The following CNTLN variants were observed in gnomAD, a reference collection of about 807,000 sequenced individuals.
CNTLN encodes centlein, also known as centlein, centrosomal protein.
In CNTLN, 212 loss-of-function variants were observed where a neutral mutation model predicts 180.0. That is an observed-to-expected ratio of 1.18 (90% confidence interval 1.05 to 1.32). The LOEUF is 1.32. CNTLN is among the 40% of genes most tolerant of loss of function. CNTLN has a pLI of 0.00. For synonymous variants in CNTLN, 722 were observed against 563.1 expected (o/e 1.28, Z -3.99); for missense variants, 2,095 against 1,610.9 (o/e 1.30, Z -5.14).
At chr9:17,332,581 C>T (rs1325396323) in intron 9 of CNTLN, 24 bp from the exon 10 acceptor site, 20 of 1,591,378 alleles carry the variant, frequency 1.3e-5, no homozygotes, top group Non-Finnish European at 1.7e-5. Flanking sequence ...ACTAGTTCAA[C>T]CATGTCCTTG....
At chr9:17,140,055 A>T (rs75372602) in intron 1 of CNTLN, among the ~76,000 whole-genome samples, 1 of 152,206 alleles carries the variant, frequency 6.6e-6, no homozygotes, top group East Asian at 1.9e-4. Context: ...AAGGGAAAAT[A>T]TAAAGAGAAT....
intron 23 of CNTLN, among the ~76,000 whole-genome samples, chr9:17,479,389 C>G (rs1306612990): frequency 1.3e-5 from 2 of 152,232 alleles, no homozygotes; most frequent in Non-Finnish European, 2.9e-5. Flanking sequence ...TATGCAACAA[C>G]ATGGATAAAC....
chr9:17,193,625 C>T (rs1821931993), intron 2 of CNTLN, among the ~76,000 whole-genome samples: 1 of 152,176 alleles, frequency 6.6e-6, no homozygotes, highest in African/African-American at 2.4e-5. Flanking sequence ...CAGCCTCCCT[C>T]CCAGCTGCCT....
chr9:17,436,541 A>G (rs1022008701), intron 18 of CNTLN, among the ~76,000 whole-genome samples: 2 of 152,234 alleles, frequency 1.3e-5, no homozygotes, highest in East Asian at 1.9e-4. Context: ...TCTAGCATAT[A>G]AACATTGAGC....
At chr9:17,209,773 A>G (rs2131951762) in intron 2 of CNTLN, among the ~76,000 whole-genome samples, 1 of 152,314 alleles carries the variant, frequency 6.6e-6, no homozygotes, top group Non-Finnish European at 1.5e-5. Flanking sequence ...TAATTCACCC[A>G]TGACTTCTAT....
chr9:17,329,887 C>G (rs1295791462), intron 8 of CNTLN, among the ~76,000 whole-genome samples: 1 of 151,314 alleles, frequency 6.6e-6, no homozygotes, highest in African/African-American at 2.4e-5. Context: ...AAACTGTTTT[C>G]ATGTGATTCT....
At chr9:17,202,931 C>T (rs777994349) in intron 2 of CNTLN, among the ~76,000 whole-genome samples, 39 of 152,092 alleles carry the variant, frequency 2.6e-4, no homozygotes, top group Middle Eastern at 3.4e-3. Context: ...TTCATAGTGT[C>T]GTTGGTCTTT....
chr9:17,211,912 T>C (rs1823345232), intron 2 of CNTLN, among the ~76,000 whole-genome samples: 1 of 152,232 alleles, frequency 6.6e-6, no homozygotes, highest in South Asian at 2.1e-4. Flanking sequence ...TTTTGTATCC[T>C]GAGACTTTGC....
intron 1 of CNTLN, among the ~76,000 whole-genome samples, chr9:17,141,305 G>A (rs188661856): frequency 2.5e-4 from 38 of 152,302 alleles, no homozygotes; most frequent in Non-Finnish European, 3.1e-4. Flanking sequence ...ATTGTAACTG[G>A]AAAAGGGGTT....
intron 23 of CNTLN, among the ~76,000 whole-genome samples, chr9:17,479,867 GA>G (rs764723235): frequency 1.3e-5 from 2 of 151,918 alleles, no homozygotes; most frequent in Non-Finnish European, 2.9e-5. Context: ...GACTATGATA[GA>G]AAAAAAGATG....
intron 8 of CNTLN, among the ~76,000 whole-genome samples, chr9:17,309,756 G>A (rs1207994468): frequency 1.3e-5 from 2 of 152,008 alleles, no homozygotes; most frequent in African/African-American, 2.4e-5. Context: ...AGATAAATAT[G>A]TAGGATCTGG....
At chr9:17,311,895 C>A (rs1303675342) in intron 8 of CNTLN, among the ~76,000 whole-genome samples, 1 of 152,032 alleles carries the variant, frequency 6.6e-6, no homozygotes, top group African/African-American at 2.4e-5. Flanking sequence ...AATCAAGTTT[C>A]ATAAAGAAGA....
In CNTLN at chr9:17,281,137, T is replaced by C. The variant is rs73418480; in HGVS notation, c.983+7271T>C. On this transcript the variant is annotated intron_variant, in intron 6 of 25. Transcript: ENST00000380647. ...GCATAATGGCTTATTTTTTGTACTT[T>C]TTCTTCACTTTTCTTCTAAGTTCTT... Among the ~76,000 whole-genome samples the C allele has an allele frequency of 8.9e-3, 1,357 of 152,278 alleles. 22 individuals are homozygous for C. The highest frequency in any genetic ancestry group is 0.031 in the African/African-American group (1,275 of 41,550).
chr9:17,464,408 CAGT>C (rs2134199547), intron 20 of CNTLN, 86 bp from the exon 21 acceptor site: 1 of 1,098,542 alleles, frequency 9.1e-7, no homozygotes, highest in African/African-American at 1.7e-5. Context: ...TAAAAAGTAA[CAGT>C]AGGTATAATA....
chr9:17,409,557 A>G (rs2133843763), intron 16 of CNTLN, 84 bp downstream of exon 16: 1 of 1,025,036 alleles, frequency 9.8e-7, no homozygotes, highest in Non-Finnish European at 1.4e-6. Flanking sequence ...AAATGTTACT[A>G]CTGATTTAAT....
Position 17,457,563 on chromosome 9 carries a change from G to T in CNTLN, c.3154G>T (p.Glu1052Ter). Residue 1052 changes from glutamate (E) to a stop codon, truncating the protein, a stop_gained, in exon 19 of 26, where the codon GAA (glutamate) becomes TAA (stop). Transcript: ENST00000380647. LOFTEE classifies it high-confidence loss of function. ...LDLAGLRKEK[E>*]DLLKKLESSS... Reference sequence around the variant, plus strand: ...TTTGGCTGGGCTTCGGAAAGAAAAAGAAGATTTACTAAAGAAATTGGAGTC... The same window carrying T: ...TTTGGCTGGGCTTCGGAAAGAAAAATAAGATTTACTAAAGAAATTGGAGTC... The T allele has an allele frequency of 2.0e-5, 31 of 1,522,980 alleles. No homozygotes were observed. Among genetic ancestry groups the T allele is most frequent in the Non-Finnish European group, 2.7e-5 (31 of 1,133,262 alleles). The allele number at this position is 1,522,980 out of a possible 1,614,324, so 94.3% of individuals were successfully genotyped here. A position where few individuals can be genotyped will look rare whatever the true frequency, so the allele number is the denominator to read the frequency against.
chr9:17,450,688 C>A (rs1830731218), intron 18 of CNTLN, among the ~76,000 whole-genome samples: 1 of 152,086 alleles, frequency 6.6e-6, no homozygotes, highest in African/African-American at 2.4e-5. Context: ...CCTTCATTTG[C>A]TTGACATTTT....
intron 18 of CNTLN, among the ~76,000 whole-genome samples, chr9:17,453,462 G>A (rs1054189635): frequency 1.3e-5 from 2 of 152,174 alleles, no homozygotes; most frequent in African/African-American, 2.4e-5. Context: ...ATGGGACAGA[G>A]TGGTAGTAAG....
intron 12 of CNTLN, among the ~76,000 whole-genome samples, chr9:17,365,770 T>C (rs1447058446): frequency 1.3e-5 from 2 of 152,080 alleles, no homozygotes; most frequent in African/African-American, 4.8e-5. Flanking sequence ...CCTATGCAAC[T>C]TGGTAAAACC....
Sources: allele counts gnomAD v4.1 joint callset (sites outside exome capture counted in the v4.1 genomes callset), GRCh38; gene constraint gnomAD v4.1.1; transcripts MANE v1.5; gene names NCBI Gene and HGNC (gene_info 2026-07-23, HGNC 2026-07-21).